Variants in XKRX observed in about 807,000 individuals in gnomAD.
XKRX encodes XK-related protein 2.
A neutral mutation model predicts 22.4 loss-of-function variants in XKRX; 11 were observed. The ratio of observed to expected loss-of-function variants is 0.49; its 90% CI spans 0.31 to 0.81. XKRX has a LOEUF of 0.81. XKRX is among the 40% of genes least tolerant of loss of function. The pLI, the probability that XKRX is intolerant of heterozygous loss-of-function variation, is 0.05. For synonymous variants in XKRX, 114 were observed against 132.2 expected (o/e 0.86, Z 0.94); for missense variants, 320 against 336.5 (o/e 0.95, Z 0.38).
chrX:100,918,133 C>T (rs1339686953), intron 2 of XKRX, among the ~76,000 whole-genome samples: 1 of 112,110 alleles, frequency 8.9e-6, no homozygotes, highest in Non-Finnish European at 1.9e-5. Flanking sequence ...GTTTTCTGTT[C>T]CTATTAAAAC....
At chrX:100,956,482 G>T in the XKRX span, 23 of 314,729 alleles carry the variant, frequency 7.3e-5, no homozygotes, top group Non-Finnish European at 9.4e-5. Flanking sequence ...AACTAAAATG[G>T]ATGGTTCCAT....
upstream of XKRX, among the ~76,000 whole-genome samples, chrX:100,930,159 C>T (rs1250594534): frequency 9.2e-6 from 1 of 108,886 alleles, no homozygotes; most frequent in Non-Finnish European, 1.9e-5. Context: ...CGTGGTGGTG[C>T]GTGACTGTAA....
At chrX:100,933,971 A>G (rs1426655547), upstream of XKRX, among the ~76,000 whole-genome samples, 1 of 111,587 alleles carries the variant, frequency 9.0e-6, no homozygotes, top group Non-Finnish European at 1.9e-5. Context: ...TCATTACCAC[A>G]ACTTAGTGCC....
the XKRX span, among the ~76,000 whole-genome samples, chrX:100,950,597 G>GCACATGGAA: frequency 8.9e-6 from 1 of 112,156 alleles, no homozygotes; most frequent in Admixed American, 9.5e-5. Context: ...CTTTTAAAGA[G>GCACATGGAA]CACATGGAAT....
At chrX:100,902,283 AG>A in the XKRX span, among the ~76,000 whole-genome samples, 1 of 111,974 alleles carries the variant, frequency 8.9e-6, no homozygotes, top group African/African-American at 3.2e-5. Context: ...AGCAGTGCTG[AG>A]GGGGAAAATT....
rs190714848 is a variant in XKRX, at chrX:100,918,224, C to T, written c.605-3141G>A. Among the ~76,000 whole-genome samples, 5 of 111,689 alleles carry T rather than the reference C, an allele frequency of 4.5e-5. No homozygotes were observed. In the East Asian group the frequency reaches 1.4e-3, roughly 31 times the overall value. On this transcript the variant is annotated intron_variant, in intron 2 of 2. Coordinates refer to ENST00000372956, the MANE Select transcript of XKRX (RefSeq NM_212559.3). ...GTGGAGGAAAAGTTAAGATTTCCCC[C>T]ATGTAAACCCAAAAGGAAGCACAGC...
chrX:100,922,950 C>T lies in XKRX; in HGVS notation c.447G>A (p.Leu149=). ...TGGAGTGGCCCACCTCCCATTCTAT[C>T]AGCACCTCCTCGCCATCTATTAGCA... ...KKMLIDGEEV[L]IEWEVGHSIR... Residue 149 remains leucine, a synonymous_variant, in exon 2 of 3, where the codon CTG becomes CTA. Coordinates refer to ENST00000372956, the MANE Select transcript of XKRX (RefSeq NM_212559.3). 1 of 1,211,826 alleles carries T rather than the reference C, an allele frequency of 8.3e-7. No homozygotes were observed.
At chrX:100,907,190 T>TA in the XKRX span, among the ~76,000 whole-genome samples, 1 of 111,036 alleles carries the variant, frequency 9.0e-6, no homozygotes, top group Admixed American at 9.6e-5. Flanking sequence ...TTTTGTCACT[T>TA]AAAAAATTTT....
At chrX:100,894,589 G>T in the XKRX span, among the ~76,000 whole-genome samples, 609 of 111,124 alleles carry the variant, frequency 5.5e-3, 5 homozygotes, top group African/African-American at 0.019. Context: ...GACCACAGGT[G>T]CACAGCAACA....
chrX:100,930,325 A>AATGATGATG (rs57252641), upstream of XKRX, among the ~76,000 whole-genome samples: 191 of 103,182 alleles, frequency 1.9e-3, 1 homozygote, highest in African/African-American at 6.5e-3. Context: ...TAATAATAAT[A>AATGATGATG]ATGATGATTA....
chrX:100,951,848 AAAAT>A, the XKRX span, among the ~76,000 whole-genome samples: 1 of 111,983 alleles, frequency 8.9e-6, no homozygotes, highest in Non-Finnish European at 1.9e-5. Flanking sequence ...CATCCAATAC[AAAAT>A]AAATAATTTG....
rs150755966 is a variant in XKRX, at chrX:100,914,645, T to C, written c.1043A>G (p.His348Arg). Residue 348 changes from histidine (H) to arginine (R), a missense_variant, in exon 3 of 3, where the codon CAT (histidine) becomes CGT (arginine). Transcript: ENST00000372956. ...DLVDKGQNWGHMGLHYSVRLV... is the reference protein window; with the variant it reads ...DLVDKGQNWGRMGLHYSVRLV... ...CCTCACACTATAGTGCAGGCCCATA[T>C]GTCCCCAGTTCTGCCCTTTGTCGAC... 2.1e-5 allele frequency: 25 copies of C among 1,212,025 alleles called. No homozygotes were observed. The highest frequency in any genetic ancestry group is 2.7e-5 in the Non-Finnish European group (24 of 895,598).
rs1257211414 is a variant in XKRX at position 100,927,110 on chromosome X, C to T, written c.335+860G>A. Among the ~76,000 whole-genome samples, 3 of 110,886 alleles carry T rather than the reference C, an allele frequency of 2.7e-5. No individual in the cohort carries two copies. The East Asian group carries it at 8.5e-4, about 31-fold the overall frequency. On this transcript the variant is annotated intron_variant, in intron 1 of 2. Coordinates refer to ENST00000372956, the MANE Select transcript of XKRX (RefSeq NM_212559.3). ...CACACTCAGACCAGGCGCGGTGGCTCACTTTGGGAGGCTGAGGCAGGAAGA... is the reference window on the plus strand; with the variant it reads ...CACACTCAGACCAGGCGCGGTGGCTTACTTTGGGAGGCTGAGGCAGGAAGA...
intron 2 of XKRX, among the ~76,000 whole-genome samples, chrX:100,917,676 A>AG (rs200508238): frequency 2.3e-5 from 2 of 85,980 alleles, no homozygotes; most frequent in Middle Eastern, 5.1e-3. Flanking sequence ...AAAGAAAGAA[A>AG]AGAAAGAAAG....
At chrX:100,932,269 C>G (rs767972299), upstream of XKRX, among the ~76,000 whole-genome samples, 1 of 111,569 alleles carries the variant, frequency 9.0e-6, no homozygotes, top group East Asian at 2.8e-4. Context: ...CTCAAGATTC[C>G]AGCTCTTTAC....
chrX:100,924,005 G>GTTTTTTTTTT (rs10600680), intron 1 of XKRX, among the ~76,000 whole-genome samples: 5 of 77,129 alleles, frequency 6.5e-5, no homozygotes, highest in African/African-American at 9.9e-5. Context: ...TCCGGCTAAG[G>GTTTTTTTTTT]TTTTTTTTTT....
chrX:100,899,988 A>G, the XKRX span, among the ~76,000 whole-genome samples: 1 of 112,136 alleles, frequency 8.9e-6, no homozygotes, highest in African/African-American at 3.2e-5. Flanking sequence ...CAGAAATGGA[A>G]AACATGAATG....
chrX:100,929,640 G>A (rs1243845906), upstream of XKRX, among the ~76,000 whole-genome samples: 3 of 111,653 alleles, frequency 2.7e-5, no homozygotes, highest in Non-Finnish European at 5.6e-5. Flanking sequence ...TTTCGGCGGA[G>A]GGAAGATAGA....
At chrX:100,887,472 A>G in the XKRX span, among the ~76,000 whole-genome samples, 55 of 112,323 alleles carry the variant, frequency 4.9e-4, no homozygotes, top group Middle Eastern at 4.6e-3. Context: ...TACAGTCCTC[A>G]AGTTTTTTGC....
Sources: allele counts gnomAD v4.1 joint callset (sites outside exome capture counted in the v4.1 genomes callset), GRCh38; gene constraint gnomAD v4.1.1; transcripts MANE v1.5; gene names NCBI Gene and HGNC (gene_info 2026-07-23, HGNC 2026-07-21).